The following AGBL4 variants were observed in gnomAD, a reference collection of about 807,000 sequenced individuals.
AGBL4 encodes the protein cytosolic carboxypeptidase 6.
A neutral mutation model predicts 66.4 loss-of-function variants in AGBL4; 58 were observed. That is an observed-to-expected ratio of 0.87 (90% CI 0.71 to 1.09). The LOEUF (loss-of-function observed/expected upper bound fraction) is 1.09. Ranked by LOEUF, AGBL4 falls within the 50% of genes least tolerant of loss-of-function variation. The pLI is 0.00. For missense variants in AGBL4, 579 were observed against 631.0 expected, an observed-to-expected ratio of 0.92 and a Z score of 0.88; for synonymous variants, 234 against 222.9, an observed-to-expected ratio of 1.05 and a Z score of -0.44.
At chr1:48,719,854 G>A (rs1647116319) in intron 6 of AGBL4, among the ~76,000 whole-genome samples, 2 of 152,192 alleles carry the variant, frequency 1.3e-5, no homozygotes, top group South Asian at 4.1e-4. Context: ...GAGCTGGTAA[G>A]CGGTGAAGCC....
chr1:48,769,724 T>C (rs1306440899), intron 6 of AGBL4, among the ~76,000 whole-genome samples: 1 of 152,180 alleles, frequency 6.6e-6, no homozygotes, highest in East Asian at 1.9e-4. Context: ...CTATATTTAA[T>C]GAGAACCTAC....
At chr1:49,672,443 CAT>C (rs1202514679) in intron 3 of AGBL4, among the ~76,000 whole-genome samples, 3 of 151,808 alleles carry the variant, frequency 2.0e-5, no homozygotes, top group Non-Finnish European at 2.9e-5. Context: ...ACCCATGTGA[CAT>C]GTGTCTATTT....
rs200375125 is a variant in AGBL4 at position 48,779,704 on chromosome 1, CTTTTTTTTTTTT to C, written c.634+87475_634+87486del. 3.4e-3 allele frequency among the ~76,000 whole-genome samples: 467 copies of C among 137,192 alleles called. 2 individuals carry two copies. Among genetic ancestry groups the C allele is most frequent in the African/African-American group, 0.011 (416 of 36,282 alleles). 90.0% of individuals were successfully genotyped at this position (137,192 alleles called of 152,430 possible). A position where few individuals can be genotyped will look rare whatever the true frequency, so the allele number is the denominator to read the frequency against. The stretch of plus-strand genomic sequence containing the variant: ...TTTTTTCTTGAAAGTCTGTTCCTCT[CTTTTTTTTTTTT>C]TTTTTTTTTTTCTTGAGACGGAGTT... On this transcript the variant is annotated intron_variant, in intron 6 of 13. Coordinates refer to ENST00000371839, the MANE Select transcript of AGBL4 (RefSeq NM_032785.4).
chr1:48,744,000 C>G (rs1484231352), intron 6 of AGBL4, among the ~76,000 whole-genome samples: 1 of 152,180 alleles, frequency 6.6e-6, no homozygotes, highest in Non-Finnish European at 1.5e-5. Context: ...GGTTGGGGAG[C>G]AGAACAGTGC....
intron 1 of AGBL4, among the ~76,000 whole-genome samples, chr1:49,982,617 G>C (rs1659150750): frequency 6.6e-6 from 1 of 152,208 alleles, no homozygotes; most frequent in African/African-American, 2.4e-5. Flanking sequence ...AAGCCTGGGA[G>C]CCAGGCTGCC....
chr1:48,979,179 G>A (rs1659560676), intron 5 of AGBL4, among the ~76,000 whole-genome samples: 2 of 152,110 alleles, frequency 1.3e-5, no homozygotes, highest in Admixed American at 1.3e-4. Flanking sequence ...GTATAAATAT[G>A]CACTTAACTC....
rs541250695 is a variant in AGBL4 at position 48,574,008 on chromosome 1, G to A, written c.1267+12996C>T. On this transcript the variant is annotated intron_variant, in intron 11 of 13. Coordinates refer to ENST00000371839, the MANE Select transcript of AGBL4 (RefSeq NM_032785.4). ...CACAACTGGTAAATAGCAGAACCGA[G>A]ATTTGAACCCAGGTCAGCCTGGCTC... Among the ~76,000 whole-genome samples, 96 of 152,316 alleles carry A rather than the reference G, an allele frequency of 6.3e-4. 1 individual carries two copies. The highest frequency in any genetic ancestry group is 2.2e-3 in the African/African-American group (92 of 41,568).
At chr1:48,605,865 A>C (rs1019136225) in intron 9 of AGBL4, among the ~76,000 whole-genome samples, 1 of 152,224 alleles carries the variant, frequency 6.6e-6, no homozygotes, top group Non-Finnish European at 1.5e-5. Context: ...ATTCTTCCCT[A>C]TTCTCTGGGT....
chr1:49,334,763 G>T (rs538705394), intron 3 of AGBL4, among the ~76,000 whole-genome samples: 1 of 152,296 alleles, frequency 6.6e-6, no homozygotes, highest in African/African-American at 2.4e-5. Context: ...AAGACTGTCA[G>T]CCAGAGAAAG....
intron 11 of AGBL4, among the ~76,000 whole-genome samples, chr1:48,556,590 C>T (rs1375250000): frequency 6.6e-6 from 1 of 152,176 alleles, no homozygotes; most frequent in Non-Finnish European, 1.5e-5. Context: ...GCCTCGTTGC[C>T]TCTAAATAAC....
At chr1:49,034,380 A>G (rs1664471389) in intron 5 of AGBL4, among the ~76,000 whole-genome samples, 1 of 152,128 alleles carries the variant, frequency 6.6e-6, no homozygotes, top group South Asian at 2.1e-4. Context: ...AGCATAACCA[A>G]ACCCAGAGAT....
chr1:49,878,719 G>A (rs376335292), intron 1 of AGBL4, among the ~76,000 whole-genome samples: 1 of 150,818 alleles, frequency 6.6e-6, no homozygotes, highest in South Asian at 2.1e-4. Flanking sequence ...TATCGTTGTT[G>A]ACTTTCTGTC....
intron 2 of AGBL4, among the ~76,000 whole-genome samples, chr1:49,823,698 A>C (rs2147998131): frequency 6.6e-6 from 1 of 152,084 alleles, no homozygotes; most frequent in African/African-American, 2.4e-5. Context: ...AGAACTAAGG[A>C]GTGCTTGATA....
intron 5 of AGBL4, among the ~76,000 whole-genome samples, chr1:48,963,039 C>G (rs1218958145): frequency 8.4e-6 from 1 of 118,738 alleles, no homozygotes. Flanking sequence ...TGTCTTAAAC[C>G]ATTTTCTGCT....
chr1:49,099,263 C>T (rs916015664), intron 4 of AGBL4, among the ~76,000 whole-genome samples: 11 of 152,160 alleles, frequency 7.2e-5, no homozygotes, highest in African/African-American at 2.7e-4. Flanking sequence ...TATGGTATGT[C>T]CAAACTGTGA....
intron 3 of AGBL4, among the ~76,000 whole-genome samples, chr1:49,352,486 C>G (rs953840328): frequency 8.7e-5 from 13 of 148,898 alleles, no homozygotes; most frequent in African/African-American, 1.7e-4. Flanking sequence ...GCACTGGGGT[C>G]CTGGGGCAGA....
intron 4 of AGBL4, among the ~76,000 whole-genome samples, chr1:49,052,428 C>G (rs979221340): frequency 4.6e-5 from 7 of 152,164 alleles, no homozygotes; most frequent in African/African-American, 1.7e-4. Flanking sequence ...GAGTTGGATT[C>G]TAGTCCAAGC....
At chr1:49,993,210 T>TA (rs1215021924) in intron 1 of AGBL4, among the ~76,000 whole-genome samples, 1 of 152,176 alleles carries the variant, frequency 6.6e-6, no homozygotes, top group African/African-American at 2.4e-5. Context: ...TTTCACCATT[T>TA]AAAAAATATT....
intron 2 of AGBL4, among the ~76,000 whole-genome samples, chr1:49,728,867 A>G (rs1033445057): frequency 2.6e-5 from 4 of 152,224 alleles, no homozygotes; most frequent in Non-Finnish European, 5.9e-5. Context: ...CTCTCAAATG[A>G]AACCGTTCTA....
Sources: gnomAD v4.1 joint callset for allele counts (sites outside exome capture counted in the v4.1 genomes callset) on GRCh38, gnomAD v4.1.1 for gene constraint, MANE v1.5 for transcripts, NCBI Gene and HGNC (gene_info 2026-07-23, HGNC 2026-07-21) for gene names.